Variants in ACSL5 observed in about 807,000 individuals in gnomAD.
The protein encoded by ACSL5 is acyl-CoA synthetase long chain family member 5, also known as long-chain-fatty-acid--CoA ligase 5.
ACSL5 carries 50 observed loss-of-function variants against 84.9 expected under a neutral mutation model. The ratio of observed to expected loss-of-function variants is 0.59; its 90% CI spans 0.47 to 0.75. ACSL5 has a LOEUF of 0.75. ACSL5 is among the 30% of genes least tolerant of loss of function. The pLI, the probability that ACSL5 is intolerant of heterozygous loss-of-function variation, is 0.00. For missense variants in ACSL5, 775 were observed against 830.4 expected (o/e 0.93, Z 0.82); for synonymous variants, 280 against 300.7 (o/e 0.93, Z 0.71).
intron 1 of ACSL5, among the ~76,000 whole-genome samples, chr10:112,378,323 T>C (rs1464022465): frequency 7.8e-6 from 1 of 128,836 alleles, no homozygotes; most frequent in African/African-American, 2.9e-5. Flanking sequence ...CTTGGCTCAC[T>C]GCAACCTCTG....
intron 3 of ACSL5, among the ~76,000 whole-genome samples, chr10:112,401,159 T>A (rs527711851): frequency 6.6e-6 from 1 of 152,126 alleles, no homozygotes; most frequent in African/African-American, 2.4e-5. Context: ...GAGGTTGCAG[T>A]GAGCCGAGAT....
Position 112,411,896 on chromosome 10 carries a change from A to G in ACSL5, c.871-6A>G. 2 of 1,612,516 alleles carry G rather than the reference A, an allele frequency of 1.2e-6. No homozygotes were observed. The highest frequency in any genetic ancestry group is 2.7e-5 in the African/African-American group (2 of 75,004). On this transcript the variant is annotated splice_region_variant and splice_polypyrimidine_tract_variant and intron_variant, in intron 10 of 20. Transcript: ENST00000354655. ...TTGCCTCCTCTTACTTCCCTGGCCT[A>G]CATAGCATGCTTATGAGCCCACTCC...
In ACSL5 at chr10:112,421,510, C is replaced by T. The variant is rs977685878; in HGVS notation, c.1315-83C>T. The T allele has an allele frequency of 7.0e-6, 9 of 1,278,856 alleles. No homozygotes were observed. In the African/African-American group the frequency reaches 1.2e-4, roughly 17 times the overall value. The allele number at this position is 1,278,856 out of a possible 1,614,324, so 79.2% of individuals were successfully genotyped here. On this transcript the variant is annotated intron_variant, in intron 14 of 20. Transcript: ENST00000354655. Reference sequence around the variant, plus strand: ...TGGTCTCGAACCCTTAGAGACCTTGCTTTCCTCGTGTCTTGACCATAGCAC... The same window carrying T: ...TGGTCTCGAACCCTTAGAGACCTTGTTTTCCTCGTGTCTTGACCATAGCAC...
At position 112,416,282 on chromosome 10, in the gene ACSL5, T is replaced by C. The variant is rs548501840; in HGVS notation, c.1084-606T>C. On this transcript the variant is annotated intron_variant, in intron 12 of 20. Transcript: ENST00000354655. ...GTCAGGAGATTGAGACCATCCTGGC[T>C]AACATGGTGAAACCCTGTCTCTACT... Among the ~76,000 whole-genome samples, 18 of 152,082 alleles carry C rather than the reference T, an allele frequency of 1.2e-4. No homozygotes were observed. In the South Asian group the frequency reaches 1.9e-3, roughly 16 times the overall value.
In ACSL5 at chr10:112,408,402, T is replaced by C. The variant is rs1352666055; in HGVS notation, c.433-20T>C. 4 of 1,540,830 alleles carry C rather than the reference T, an allele frequency of 2.6e-6. No individual in the cohort carries two copies. Among genetic ancestry groups the C allele is most frequent in the African/African-American group, 1.4e-5 (1 of 73,324 alleles). ...CTTCAGTGTGCCCTCCAGTCCTTAC[T>C]TGAACTTCTCTCTGTACAGTGGATC... On this transcript the variant is annotated intron_variant, in intron 5 of 20. Coordinates refer to ENST00000354655, the MANE Select transcript of ACSL5 (RefSeq NM_203379.2).
chr10:112,375,040 G>A lies in ACSL5; in HGVS notation c.-30+771G>A, dbSNP rs138194546. On this transcript the variant is annotated intron_variant, in intron 1 of 20. Transcript: ENST00000354655. ...CTTCCTGAACTTGAGCATTTTTACT[G>A]GAGGAGGTCAATAAAAAAAAAAGAA... 3.6e-3 allele frequency among the ~76,000 whole-genome samples: 523 copies of A among 143,786 alleles called. 4 individuals carry two copies. Among genetic ancestry groups the A allele is most frequent in the African/African-American group, 0.013 (482 of 37,420 alleles). The allele number at this position is 143,786 out of a possible 152,430, so 94.3% of individuals were successfully genotyped here. A position where few individuals can be genotyped will look rare whatever the true frequency, so the allele number is the denominator to read the frequency against.
rs1188049832 is a variant in ACSL5 at position 112,398,041 on chromosome 10, CTTTTTTTT to C, written c.157-825_157-818del. On this transcript the variant is annotated intron_variant, in intron 2 of 20. Transcript: ENST00000354655. ...TGGGTGGGATTACAGATCCACTTTT[CTTTTTTTT>C]TTTTTTTTTTTTTTTTTTTTTTTTT... Among the ~76,000 whole-genome samples the C allele has an allele frequency of 3.7e-4, 2 of 5,452 alleles. 1 individual carries two copies. Among genetic ancestry groups the C allele is most frequent in the African/African-American group, 8.0e-4 (2 of 2,494 alleles). The allele number at this position is 5,452 out of a possible 152,430, so 3.6% of individuals were successfully genotyped here. A position where few individuals can be genotyped will look rare whatever the true frequency, so the allele number is the denominator to read the frequency against.
chr10:112,394,586 C>A, intron 1 of ACSL5: 1 of 325,226 alleles, frequency 3.1e-6, no homozygotes, highest in Non-Finnish European at 4.4e-6. Flanking sequence ...AGGCTGCCTT[C>A]TTCCAGGCTT....
rs570298282 is a variant in ACSL5, at chr10:112,390,701, G to T, written c.-29-4217G>T. 2.1e-5 allele frequency among the ~76,000 whole-genome samples: 3 copies of T among 143,798 alleles called. No individual in the cohort carries two copies. The Admixed American group carries it at 2.1e-4, about 10-fold the overall frequency. 94.3% of individuals were successfully genotyped at this position (143,798 alleles called of 152,430 possible). ...ATAGATAGATAGATAGATAGATAGA[G>T]TGTAGTCTATCCATACAATGGGATA... On this transcript the variant is annotated intron_variant, in intron 1 of 20. Transcript: ENST00000354655.
intron 2 of ACSL5, among the ~76,000 whole-genome samples, chr10:112,396,876 C>G (rs1843758818): frequency 6.6e-6 from 1 of 152,192 alleles, no homozygotes; most frequent in South Asian, 2.1e-4. Context: ...TTGCTATTTT[C>G]TGTCTTAACG....
At chr10:112,410,664 C>A (rs777925582) in intron 9 of ACSL5, 29 bp downstream of exon 9, 15 of 1,605,018 alleles carry the variant, frequency 9.3e-6, no homozygotes, top group Non-Finnish European at 1.2e-5. Context: ...GAACCTTAGA[C>A]CCCTGGTCAG....
chr10:112,425,611 A>AAT, intron 18 of ACSL5, 130 bp downstream of exon 18: 2 of 860,988 alleles, frequency 2.3e-6, no homozygotes, highest in Non-Finnish European at 3.2e-6. Flanking sequence ...AAAAAAAAAA[A>AAT]ATGAAGTTAC....
At chr10:112,410,844 T>G (rs1184351163) in intron 9 of ACSL5, among the ~76,000 whole-genome samples, 1 of 152,210 alleles carries the variant, frequency 6.6e-6, no homozygotes, top group Non-Finnish European at 1.5e-5. Context: ...GGTGTTTATA[T>G]TCAATAGATT....
intron 2 of ACSL5, among the ~76,000 whole-genome samples, chr10:112,397,288 G>A (rs1843770997): frequency 6.6e-6 from 1 of 151,586 alleles, no homozygotes; most frequent in South Asian, 2.1e-4. Context: ...TCCTGCCTCA[G>A]CCTCTCGAGT....
At chr10:112,414,305 T>A (rs1196955437) in intron 12 of ACSL5, among the ~76,000 whole-genome samples, 1 of 151,972 alleles carries the variant, frequency 6.6e-6, no homozygotes, top group African/African-American at 2.4e-5. Context: ...TCTCTTTGTA[T>A]TTTTAGGAAT....
rs781778057 is a variant in ACSL5, at chr10:112,426,334, C to T, written c.1814C>T (p.Ser605Phe). 8 of 1,613,892 alleles carry T rather than the reference C, an allele frequency of 5.0e-6. No homozygotes were observed. The highest frequency in any genetic ancestry group is 5.9e-6 in the Non-Finnish European group (7 of 1,180,010). Reference sequence around the variant, plus strand: ...GCAGCCAAGCTTGGGGTGAAGGGCTCCTTTGAGGAACTGTGCCAAAACCAA... The same window carrying T: ...GCAGCCAAGCTTGGGGTGAAGGGCTTCTTTGAGGAACTGTGCCAAAACCAA... ...SFAAKLGVKG[S>F]FEELCQNQVV... Residue 605 changes from serine to phenylalanine, a missense_variant, in exon 19 of 21, where the codon TCC becomes TTC. By Grantham distance (155) the Ser-to-Phe change is radical (BLOSUM62 -2). Coordinates refer to ENST00000354655, the MANE Select transcript of ACSL5 (RefSeq NM_203379.2).
intron 5 of ACSL5, among the ~76,000 whole-genome samples, chr10:112,405,985 A>T (rs1349691355): frequency 6.6e-6 from 1 of 152,052 alleles, no homozygotes; most frequent in Non-Finnish European, 1.5e-5. Flanking sequence ...TTGCTGTCTC[A>T]GACCTGGCAG....
intron 1 of ACSL5, chr10:112,376,265 G>T (rs1033041168): frequency 6.2e-7 from 1 of 1,613,484 alleles, no homozygotes; most frequent in African/African-American, 1.3e-5. Context: ...GGACAGCTCA[G>T]AGCAGGGCAG....
chr10:112,390,170 A>G (rs918910090), intron 1 of ACSL5, among the ~76,000 whole-genome samples: 1 of 152,232 alleles, frequency 6.6e-6, no homozygotes, highest in African/African-American at 2.4e-5. Flanking sequence ...CATATCTCTG[A>G]TAAGTGTTGT....
Sources: allele counts gnomAD v4.1 joint callset (sites outside exome capture counted in the v4.1 genomes callset), GRCh38; gene constraint gnomAD v4.1.1; transcripts MANE v1.5; gene names NCBI Gene and HGNC (gene_info 2026-07-23, HGNC 2026-07-21).